Variants in ARHGAP12 observed in about 807,000 individuals in gnomAD.
ARHGAP12 encodes rho GTPase-activating protein 12.
In ARHGAP12, 64 loss-of-function variants were observed where a neutral mutation model predicts 108.6. The observed-to-expected ratio is 0.59, with a 90% confidence interval of 0.48 to 0.73. The LOEUF (loss-of-function observed/expected upper bound fraction) is 0.73. Ranked by LOEUF, ARHGAP12 falls within the 30% of genes least tolerant of loss-of-function variation. The probability of loss-of-function intolerance (pLI) is 0.00; values close to 1 mark genes in which losing one functional copy is unlikely to be tolerated. For missense variants in ARHGAP12, 940 were observed against 1,005.9 expected (o/e 0.93, Z 0.89); for synonymous variants, 312 against 337.2 (o/e 0.93, Z 0.82).
chr10:31,876,723 T>C (rs992553308), intron 3 of ARHGAP12, among the ~76,000 whole-genome samples: 2 of 152,142 alleles, frequency 1.3e-5, no homozygotes, highest in African/African-American at 4.8e-5. Context: ...AAGAGAAATA[T>C]AAAACATTCT....
intron 1 of ARHGAP12, among the ~76,000 whole-genome samples, chr10:31,911,824 C>A (rs1231054064): frequency 1.3e-5 from 2 of 152,154 alleles, no homozygotes; most frequent in East Asian, 3.8e-4. Context: ...TCAAACAAAT[C>A]CAGAATGTGA....
chr10:31,856,090 T>A (rs539439921), intron 4 of ARHGAP12, among the ~76,000 whole-genome samples: 1 of 152,270 alleles, frequency 6.6e-6, no homozygotes, highest in South Asian at 2.1e-4. Flanking sequence ...GAGGGGGCTA[T>A]GGTAGATGCT....
intron 1 of ARHGAP12, among the ~76,000 whole-genome samples, chr10:31,917,918 T>G (rs150564750): frequency 7.3e-4 from 111 of 152,046 alleles, no homozygotes; most frequent in East Asian, 6.6e-3. Context: ...TACAATTTCC[T>G]GACTTTATGG....
chr10:31,884,166 AT>A (rs1838102770), intron 3 of ARHGAP12, among the ~76,000 whole-genome samples: 1 of 151,674 alleles, frequency 6.6e-6, no homozygotes, highest in South Asian at 2.1e-4. Context: ...ACTGACATAA[AT>A]TTTCACAAAG....
In ARHGAP12 at chr10:31,805,775, A is replaced by T. The variant is rs1434071516; in HGVS notation, c.*1883T>A. 6.6e-6 allele frequency: 1 copy of T among 152,040 alleles called. No homozygotes were observed. The highest frequency in any genetic ancestry group is 1.5e-5 in the Non-Finnish European group (1 of 67,998). 9.4% of individuals were successfully genotyped at this position (152,040 alleles called of 1,614,324 possible). On this transcript the variant is annotated 3_prime_UTR_variant, in exon 20 of 20. Coordinates refer to ENST00000344936, the MANE Select transcript of ARHGAP12 (RefSeq NM_018287.7). Reference sequence around the variant, plus strand: ...CAAGAACATCACTGATTTGAGTCTAATTGTTTTCCTGGTATACAATCACTA... The same window carrying T: ...CAAGAACATCACTGATTTGAGTCTATTTGTTTTCCTGGTATACAATCACTA...
intron 3 of ARHGAP12, among the ~76,000 whole-genome samples, chr10:31,888,129 G>A (rs1221534353): frequency 2.0e-5 from 3 of 152,102 alleles, no homozygotes; most frequent in Admixed American, 6.6e-5. Flanking sequence ...ATACATATAC[G>A]TGGGAAGACC....
chr10:31,927,359 C>G (rs931432538), intron 1 of ARHGAP12, among the ~76,000 whole-genome samples: 1 of 152,168 alleles, frequency 6.6e-6, no homozygotes, highest in Admixed American at 6.5e-5. Context: ...GGCCATCGTT[C>G]CCGACTTTTA....
chr10:31,911,608 C>T (rs968599165), intron 1 of ARHGAP12, among the ~76,000 whole-genome samples: 1 of 152,166 alleles, frequency 6.6e-6, no homozygotes, highest in Non-Finnish European at 1.5e-5. Context: ...CCACACCCAG[C>T]CTACTTACTA....
At position 31,854,214 on chromosome 10, in the gene ARHGAP12, T is replaced by C. The variant is rs764554980; in HGVS notation, c.949-8A>G. The C allele has an allele frequency of 1.9e-6, 3 of 1,597,230 alleles. No individual in the cohort carries two copies. The South Asian group carries it at 3.5e-5, about 18-fold the overall frequency. ...TTCTTCCGATGAAAGAAGCTACAAA[T>C]AGTCAGAAACATAAGGATTTTTCTT... is the stretch of plus-strand genomic sequence containing the variant. On this transcript the variant is annotated splice_polypyrimidine_tract_variant and splice_region_variant and intron_variant, in intron 4 of 19. Transcript: ENST00000344936.
At chr10:31,899,025 G>A (rs1838819743) in intron 3 of ARHGAP12, among the ~76,000 whole-genome samples, 1 of 152,134 alleles carries the variant, frequency 6.6e-6, no homozygotes, top group African/African-American at 2.4e-5. Flanking sequence ...CACACAACAT[G>A]GCTGAACATT....
At chr10:31,861,860 C>A (rs1837129839) in intron 3 of ARHGAP12, among the ~76,000 whole-genome samples, 1 of 152,124 alleles carries the variant, frequency 6.6e-6, no homozygotes, top group Non-Finnish European at 1.5e-5. Context: ...AAACCAAATC[C>A]AAAGTATGCA....
rs767892862 is a variant in ARHGAP12, at chr10:31,839,326, A to G, written c.1372-7T>C. On this transcript the variant is annotated splice_polypyrimidine_tract_variant and splice_region_variant and intron_variant, in intron 8 of 19. Transcript: ENST00000344936. ...TTACCTTTGGACTGCTGGCCTGAGG[A>G]AAAAAAGAGTAAAGTATAATGTCAT... The G allele has an allele frequency of 1.9e-5, 31 of 1,608,168 alleles. No individual in the cohort carries two copies. Among genetic ancestry groups the G allele is most frequent in the African/African-American group, 9.4e-5 (7 of 74,726 alleles).
intron 3 of ARHGAP12, among the ~76,000 whole-genome samples, chr10:31,868,618 T>C (rs1007063323): frequency 6.6e-6 from 1 of 152,044 alleles, no homozygotes; most frequent in East Asian, 1.9e-4. Context: ...CAAGTGGTGA[T>C]AGTGGCTGGG....
chr10:31,810,218 C>T (rs879794978), intron 16 of ARHGAP12, among the ~76,000 whole-genome samples: 8 of 152,130 alleles, frequency 5.3e-5, no homozygotes, highest in Middle Eastern at 3.4e-3. Flanking sequence ...ATTTTTATCT[C>T]GTGAGACATT....
chr10:31,915,113 G>A (rs1176768568), intron 1 of ARHGAP12, among the ~76,000 whole-genome samples: 2 of 145,812 alleles, frequency 1.4e-5, no homozygotes, highest in Non-Finnish European at 2.9e-5. Context: ...GAGGCCAGGC[G>A]CAGTGGCTCA....
intron 3 of ARHGAP12, among the ~76,000 whole-genome samples, chr10:31,904,295 T>C (rs988438492): frequency 8.5e-5 from 13 of 152,184 alleles, no homozygotes; most frequent in African/African-American, 1.9e-4. Context: ...GAACAAACTA[T>C]TGATAACACA....
At chr10:31,852,728 T>TA in intron 5 of ARHGAP12, 131 bp from the exon 6 acceptor site, 8 of 323,374 alleles carry the variant, frequency 2.5e-5, no homozygotes, top group Non-Finnish European at 3.2e-5. Context: ...AACAAAAAAT[T>TA]CTTTTTTTTT....
At chr10:31,892,351 G>C (rs1838482109) in intron 3 of ARHGAP12, among the ~76,000 whole-genome samples, 1 of 152,150 alleles carries the variant, frequency 6.6e-6, no homozygotes, top group South Asian at 2.1e-4. Flanking sequence ...TCAGTGTGCT[G>C]TATTCAGGAG....
intron 12 of ARHGAP12, among the ~76,000 whole-genome samples, chr10:31,819,794 T>G (rs941791479): frequency 6.6e-5 from 10 of 152,106 alleles, no homozygotes; most frequent in Non-Finnish European, 1.3e-4. Flanking sequence ...TAAGTGAGAT[T>G]AGAAGAAAAA....
Sources: allele counts gnomAD v4.1 joint callset (sites outside exome capture counted in the v4.1 genomes callset), GRCh38; gene constraint gnomAD v4.1.1; transcripts MANE v1.5; gene names NCBI Gene and HGNC (gene_info 2026-07-23, HGNC 2026-07-21).